TRPM3: variants seen among roughly 807,000 people sequenced by gnomAD.
TRPM3 encodes long transient receptor potential channel 3.
TRPM3 carries 77 observed loss-of-function variants against 181.2 expected under a neutral mutation model. The ratio of observed to expected loss-of-function variants is 0.42; its 90% CI spans 0.35 to 0.51. The LOEUF is 0.51. Ranked by LOEUF, TRPM3 falls within the 20% of genes least tolerant of loss-of-function variation. The pLI is 0.01. For synonymous variants in TRPM3, 745 were observed against 796.4 expected (o/e 0.94, Z 1.09); for missense variants, 1,759 against 2,196.7 (o/e 0.80, Z 3.98).
intron 1 of TRPM3, among the ~76,000 whole-genome samples, chr9:71,235,443 T>A (rs903159920): frequency 2.6e-5 from 4 of 152,196 alleles, no homozygotes; most frequent in African/African-American, 9.6e-5. Context: ...TCACTATGTA[T>A]CCCCAGTGCC....
chr9:71,435,657 T>C (rs1226342218), intron 1 of TRPM3, among the ~76,000 whole-genome samples: 3 of 152,198 alleles, frequency 2.0e-5, no homozygotes, highest in Admixed American at 2.0e-4. Flanking sequence ...AGTGAAGCGT[T>C]AACAAATCAA....
rs7859063 is a variant in TRPM3, at chr9:71,010,231, C to T, written c.177+110947G>A. Among the ~76,000 whole-genome samples the T allele has an allele frequency of 8.2e-3, 1,244 of 151,908 alleles. 19 individuals carry two copies. Among genetic ancestry groups the T allele is most frequent in the African/African-American group, 0.028 (1,161 of 41,470 alleles). On this transcript the variant is annotated intron_variant, in intron 1 of 25. Transcript: ENST00000677713. ...GCAACAAATGCAAAAAAGACAAATG[C>T]GGTTACATGAAACTAAAAGACTTCT...
At chr9:71,359,065 G>C (rs981420767) in intron 1 of TRPM3, among the ~76,000 whole-genome samples, 3 of 152,180 alleles carry the variant, frequency 2.0e-5, no homozygotes, top group Admixed American at 1.3e-4. Flanking sequence ...TGAAAGCCAA[G>C]AATCATTTAT....
intron 1 of TRPM3, among the ~76,000 whole-genome samples, chr9:71,001,051 A>T (rs1403252873): frequency 6.6e-6 from 1 of 152,220 alleles, no homozygotes; most frequent in African/African-American, 2.4e-5. Flanking sequence ...GTACTAACGA[A>T]TTGTCTTCAT....
intron 7 of TRPM3, among the ~76,000 whole-genome samples, chr9:70,778,401 C>T (rs966974346): frequency 1.3e-5 from 2 of 152,054 alleles, no homozygotes; most frequent in South Asian, 2.1e-4. Context: ...TAGCTAGGGC[C>T]CTGCCTTATT....
Position 71,310,349 on chromosome 9 carries a change from A to G in TRPM3, c.183+136304T>C, listed in dbSNP as rs190905009. ...GAAAACCGAAACCAACATTTCATGA[A>G]GGGTGATTTAATTACAGTGTGTTAT... On this transcript the variant is annotated intron_variant, in intron 1 of 24. Coordinates refer to the TRPM3 transcript ENST00000357533. 2.9e-4 allele frequency among the ~76,000 whole-genome samples: 44 copies of G among 152,232 alleles called. No homozygotes were observed. In the East Asian group the frequency reaches 7.5e-3, roughly 26 times the overall value.
chr9:71,080,179 T>TAAATAAATAAAA, intron 1 of TRPM3, among the ~76,000 whole-genome samples: 1 of 146,542 alleles, frequency 6.8e-6, no homozygotes, highest in Non-Finnish European at 1.5e-5. Flanking sequence ...TCAAAATAAA[T>TAAATAAATAAAA]AAATAAATAA....
At chr9:70,558,444 T>C (rs2048269201) in intron 22 of TRPM3, among the ~76,000 whole-genome samples, 1 of 152,172 alleles carries the variant, frequency 6.6e-6, no homozygotes, top group South Asian at 2.1e-4. Flanking sequence ...TGGAATGGCA[T>C]GGAAAGATTG....
At chr9:70,691,186 T>G (rs1184936120) in intron 8 of TRPM3, among the ~76,000 whole-genome samples, 1 of 152,190 alleles carries the variant, frequency 6.6e-6, no homozygotes, top group Non-Finnish European at 1.5e-5. Flanking sequence ...TGATTTTTCG[T>G]GTAATATTTT....
At chr9:71,018,489 C>T (rs12551768) in intron 1 of TRPM3, among the ~76,000 whole-genome samples, 22,068 of 151,524 alleles carry the variant, frequency 0.15, 1,860 homozygotes, top group African/African-American at 0.24. Flanking sequence ...AAATGGTCAT[C>T]GTCATATAGC....
intron 1 of TRPM3, among the ~76,000 whole-genome samples, chr9:71,193,648 G>A (rs1264053637): frequency 1.3e-5 from 2 of 151,788 alleles, no homozygotes; most frequent in Non-Finnish European, 1.5e-5. Context: ...TTCAAACTCT[G>A]TAAGTCCAAA....
intron 22 of TRPM3, among the ~76,000 whole-genome samples, chr9:70,556,369 T>C (rs2047705413): frequency 6.6e-6 from 1 of 152,082 alleles, no homozygotes; most frequent in Non-Finnish European, 1.5e-5. Flanking sequence ...CACCTTTTAC[T>C]CATCCTGCTT....
At chr9:70,754,871 G>A (rs1375172423) in intron 8 of TRPM3, among the ~76,000 whole-genome samples, 1 of 152,068 alleles carries the variant, frequency 6.6e-6, no homozygotes. Flanking sequence ...CACGGGGTCT[G>A]CAGCAAGACA....
At chr9:71,414,932 A>G (rs2131483780) in intron 1 of TRPM3, among the ~76,000 whole-genome samples, 1 of 152,216 alleles carries the variant, frequency 6.6e-6, no homozygotes, top group East Asian at 1.9e-4. Flanking sequence ...ATGGCCCTTA[A>G]AGATATGAGG....
chr9:71,281,581 T>C (rs1039789825), intron 1 of TRPM3, among the ~76,000 whole-genome samples: 2 of 152,222 alleles, frequency 1.3e-5, no homozygotes, highest in African/African-American at 4.8e-5. Context: ...TCTGTCCTTT[T>C]CATTGCTGTC....
intron 1 of TRPM3, among the ~76,000 whole-genome samples, chr9:71,363,738 C>T (rs1717013210): frequency 6.6e-6 from 1 of 152,122 alleles, no homozygotes; most frequent in Non-Finnish European, 1.5e-5. Flanking sequence ...GGCCAGGAGG[C>T]CCCTGGTACT....
At position 70,581,855 on chromosome 9, in the gene TRPM3, A is replaced by G. The variant is rs566536053; in HGVS notation, c.3223+9176T>C. On this transcript the variant is annotated intron_variant, in intron 22 of 25. Transcript: ENST00000677713. Reference sequence around the variant, plus strand: ...CTTCCTTCCTCTGCTGCCCTCAACAATCAAGGGCCAGCAGGTGGGCCAGTC... The same window carrying G: ...CTTCCTTCCTCTGCTGCCCTCAACAGTCAAGGGCCAGCAGGTGGGCCAGTC... Among the ~76,000 whole-genome samples, 3 of 151,926 alleles carry G rather than the reference A, an allele frequency of 2.0e-5. No homozygotes were observed. In the South Asian group the frequency reaches 6.2e-4, roughly 32 times the overall value.
At chr9:71,258,857 A>C (rs889365406) in intron 1 of TRPM3, among the ~76,000 whole-genome samples, 6 of 152,090 alleles carry the variant, frequency 3.9e-5, no homozygotes, top group Admixed American at 1.3e-4. Flanking sequence ...TATCATGATG[A>C]ATTTTTACCC....
Position 70,625,663 on chromosome 9 carries a change from T to TATCA in TRPM3, c.1633-150_1633-147dup, listed in dbSNP as rs1280448723. 1.3e-6 allele frequency: 1 copy of TATCA among 780,418 alleles called. No individual in the cohort carries two copies. Among genetic ancestry groups the TATCA allele is most frequent in the Non-Finnish European group, 2.1e-6 (1 of 485,956 alleles). 48.3% of individuals were successfully genotyped at this position (780,418 alleles called of 1,614,324 possible). ...ACACAAGGCTAGACAGGGCAAATGC[T>TATCA]ATCACTCCCAGGCACTAGGAACTAG... On this transcript the variant is annotated intron_variant, in intron 12 of 25. Transcript: ENST00000677713. The surrounding 1 kb of genome is among the most constrained non-coding windows in gnomAD (Gnocchi z 4.8).
Sources: allele counts gnomAD v4.1 joint callset (sites outside exome capture counted in the v4.1 genomes callset), GRCh38; gene constraint gnomAD v4.1.1; non-coding constraint Gnocchi (gnomAD v3.1); transcripts MANE v1.5; gene names NCBI Gene and HGNC (gene_info 2026-07-23, HGNC 2026-07-21).